The following LRBA variants were observed in gnomAD, a reference collection of about 807,000 sequenced individuals.
LRBA encodes the protein LPS responsive beige-like anchor protein.
Under a neutral mutation model 330.0 loss-of-function variants are expected in LRBA, and 176 were observed. That is an observed-to-expected ratio of 0.53 (90% CI 0.47 to 0.60). LRBA has a LOEUF of 0.60. Ranked by LOEUF, LRBA falls within the 20% of genes least tolerant of loss-of-function variation. The pLI, the probability that LRBA is intolerant of heterozygous loss-of-function variation, is 0.00. For missense variants in LRBA, 3,259 were observed against 3,444.8 expected, an observed-to-expected ratio of 0.95 and a Z score of 1.35; for synonymous variants, 1,230 against 1,193.0, an observed-to-expected ratio of 1.03 and a Z score of -0.64.
rs145181113 is a variant in LRBA, at chr4:150,897,443, T to C, written c.2004+296A>G. ...AAAAATGAAACCTCCTTCAGGAGTT[T>C]AGTGCCAAATACTAACAGAAACATA... On this transcript the variant is annotated intron_variant, in intron 15 of 56. Transcript: ENST00000651943. 1.8e-4 allele frequency among the ~76,000 whole-genome samples: 27 copies of C among 152,140 alleles called. No individual in the cohort carries two copies. In the South Asian group the frequency reaches 2.5e-3, roughly 14 times the overall value.
chr4:150,807,353 C>G (rs1398343237), intron 32 of LRBA, among the ~76,000 whole-genome samples: 1 of 152,120 alleles, frequency 6.6e-6, no homozygotes, highest in Non-Finnish European at 1.5e-5. Flanking sequence ...TTCCACACAA[C>G]TCATAGAACT....
At chr4:150,854,721 A>C (rs1421409322) in intron 22 of LRBA, among the ~76,000 whole-genome samples, 1 of 152,200 alleles carries the variant, frequency 6.6e-6, no homozygotes, top group African/African-American at 2.4e-5. Flanking sequence ...AGCCATGTAA[A>C]AAGAAAAGAG....
chr4:150,560,795 T>A (rs951093780), intron 40 of LRBA, among the ~76,000 whole-genome samples: 2 of 152,154 alleles, frequency 1.3e-5, no homozygotes, highest in Non-Finnish European at 2.9e-5. Context: ...AAGACCAGGC[T>A]GACCAACATG....
At chr4:150,602,273 G>C (rs1774197879) in intron 37 of LRBA, among the ~76,000 whole-genome samples, 1 of 152,066 alleles carries the variant, frequency 6.6e-6, no homozygotes, top group Admixed American at 6.5e-5. Context: ...CACTGCTCCA[G>C]GTGCTACAGT....
chr4:150,421,477 T>G (rs886638174), intron 46 of LRBA, among the ~76,000 whole-genome samples: 1 of 151,774 alleles, frequency 6.6e-6, no homozygotes, highest in Non-Finnish European at 1.5e-5. Context: ...AATTATTTGA[T>G]TTAAACCTTA....
rs754105430 is a variant in LRBA at position 150,851,942 on chromosome 4, C to T, written c.3768G>A (p.Leu1256=). The T allele has an allele frequency of 1.9e-6, 3 of 1,614,112 alleles. No individual in the cohort carries two copies. The South Asian group carries it at 3.3e-5, about 18-fold the overall frequency. ...VSNVATDTER[L]ELKASPNVEA... is the part of the protein sequence containing the mutation. ...CCACGTTGGGACTGGCCTTCAACTC[C>T]AGCCTCTCAGTATCTGTAGCAACAT... The change falls in exon 23 of 57, where the codon CTG becomes CTA. Residue 1256 remains leucine (L), a synonymous_variant. Coordinates refer to ENST00000651943, the MANE Select transcript of LRBA (RefSeq NM_001364905.1).
chr4:150,288,624 A>C (rs1422596852), intron 53 of LRBA, among the ~76,000 whole-genome samples: 1 of 152,164 alleles, frequency 6.6e-6, no homozygotes, highest in African/African-American at 2.4e-5. Flanking sequence ...TCAATACTTT[A>C]GCCCTGATTC....
intron 44 of LRBA, among the ~76,000 whole-genome samples, chr4:150,445,375 CTCTA>C (rs1480263688): frequency 1.4e-3 from 120 of 82,950 alleles, no homozygotes; most frequent in Admixed American, 6.7e-3. Context: ...CTCTCTCTCT[CTCTA>C]TATATATATA....
chr4:150,947,181 A>G (rs1014109710), intron 2 of LRBA, among the ~76,000 whole-genome samples: 3 of 151,256 alleles, frequency 2.0e-5, no homozygotes, highest in Non-Finnish European at 3.0e-5. Flanking sequence ...TTCTCAATCC[A>G]TTTTACGAAG....
At chr4:150,981,747 T>C (rs1579394634) in intron 2 of LRBA, among the ~76,000 whole-genome samples, 1 of 151,968 alleles carries the variant, frequency 6.6e-6, no homozygotes, top group South Asian at 2.1e-4. Context: ...GATCACGAGG[T>C]CAGGAGATCA....
At chr4:150,819,192 T>G (rs1412552219) in intron 30 of LRBA, among the ~76,000 whole-genome samples, 6 of 151,612 alleles carry the variant, frequency 4.0e-5, no homozygotes, top group East Asian at 1.9e-4. Flanking sequence ...TTTATGGGTT[T>G]TTTTTTTTTA....
intron 44 of LRBA, among the ~76,000 whole-genome samples, chr4:150,446,143 C>A (rs1752589407): frequency 6.6e-6 from 1 of 151,696 alleles, no homozygotes. Context: ...AAGAGTTAGA[C>A]TGGTGGTTAT....
At chr4:150,657,510 T>C (rs1293920997) in intron 37 of LRBA, among the ~76,000 whole-genome samples, 1 of 152,002 alleles carries the variant, frequency 6.6e-6, no homozygotes, top group African/African-American at 2.4e-5. Flanking sequence ...CATAGAAACA[T>C]GGGTTAAAAA....
At chr4:150,398,967 CAAATAT>C (rs1333701574) in intron 47 of LRBA, among the ~76,000 whole-genome samples, 3 of 151,998 alleles carry the variant, frequency 2.0e-5, no homozygotes, top group Non-Finnish European at 2.9e-5. Context: ...CCTATACTGC[CAAATAT>C]AAATATATCC....
In LRBA at chr4:150,667,324, A is replaced by G. The variant is rs577189592; in HGVS notation, c.5921+16227T>C. Among the ~76,000 whole-genome samples the G allele has an allele frequency of 9.8e-5, 15 of 152,290 alleles. No homozygotes were observed. The South Asian group carries it at 3.1e-3, about 32-fold the overall frequency. On this transcript the variant is annotated intron_variant, in intron 37 of 56. Transcript: ENST00000651943. ...GCATGTAATCATAAGCATCCTTATA[A>G]GAGGGAGGAAGGAAGGTTAGAGTGA...
intron 40 of LRBA, chr4:150,582,701 A>T: frequency 4.2e-6 from 1 of 237,308 alleles, no homozygotes; most frequent in Non-Finnish European, 8.2e-6. Context: ...CTCCTTCCTC[A>T]CGCCCACCCC....
At chr4:151,007,565 T>C (rs1326526393) in intron 2 of LRBA, among the ~76,000 whole-genome samples, 1 of 142,404 alleles carries the variant, frequency 7.0e-6, no homozygotes, top group East Asian at 2.1e-4. Flanking sequence ...ACATACAAAA[T>C]AATGAATGTA....
intron 36 of LRBA, among the ~76,000 whole-genome samples, chr4:150,727,755 CA>C (rs201972929): frequency 1.3e-5 from 2 of 148,614 alleles, no homozygotes. Flanking sequence ...ATGCCCGTGT[CA>C]AAAAAAAAGA....
intron 47 of LRBA, among the ~76,000 whole-genome samples, chr4:150,372,560 CAAAAAAAA>C (rs70937396): frequency 9.8e-6 from 1 of 101,670 alleles, no homozygotes; most frequent in Non-Finnish European, 1.9e-5. Flanking sequence ...ATCCCATCTC[CAAAAAAAA>C]AAAAAAAAAG....
Sources: allele counts gnomAD v4.1 joint callset (sites outside exome capture counted in the v4.1 genomes callset), GRCh38; gene constraint gnomAD v4.1.1; transcripts MANE v1.5; gene names NCBI Gene and HGNC (gene_info 2026-07-23, HGNC 2026-07-21).